CMTM4: variants seen among roughly 807,000 people sequenced by gnomAD.
CMTM4 encodes CKLF-like MARVEL transmembrane domain-containing protein 4.
In CMTM4, 8 loss-of-function variants were observed where a neutral mutation model predicts 19.0. The observed-to-expected ratio is 0.42, with a 90% CI of 0.25 to 0.76. CMTM4 has a LOEUF of 0.76. Ranked by LOEUF, CMTM4 falls within the 30% of genes least tolerant of loss-of-function variation. CMTM4 has a pLI of 0.27. For missense variants in CMTM4, 228 were observed against 290.2 expected (o/e 0.79, Z 1.56); for synonymous variants, 106 against 121.1 (o/e 0.88, Z 0.82).
chr16:66,621,900 G>A lies in CMTM4; in HGVS notation c.*158C>T, dbSNP rs974864487. The stretch of plus-strand genomic sequence containing the variant: ...GGCCTCCCAACTCCACCGCGGACCC[G>A]CCCACTGGGCCACTCGGGAAACCCT... On this transcript the variant is annotated 3_prime_UTR_variant, in exon 4 of 4. Transcript: ENST00000394106. 23 of 1,431,578 alleles carry A rather than the reference G, an allele frequency of 1.6e-5. No individual in the cohort carries two copies. Among genetic ancestry groups the A allele is most frequent in the Admixed American group, 8.3e-5 (3 of 36,296 alleles). 88.7% of individuals were successfully genotyped at this position (1,431,578 alleles called of 1,614,324 possible).
chr16:66,696,145 G>A lies in CMTM4; in HGVS notation c.186+195C>T, dbSNP rs2017229769. The stretch of plus-strand genomic sequence containing the variant: ...CACCTGAGGCTGCCGGCCTGGGAAG[G>A]GCAGGCTCTGGCCGAAGGCGGGGTC... On this transcript the variant is annotated intron_variant, in intron 1 of 3. Coordinates refer to ENST00000394106, the MANE Select transcript of CMTM4 (RefSeq NM_181521.3). This position sits in a 1 kb window ranked among gnomAD's most constrained non-coding sequence, Gnocchi z 4.3. Among the ~76,000 whole-genome samples the A allele has an allele frequency of 6.6e-6, 1 of 152,198 alleles. No individual in the cohort carries two copies. The highest frequency in any genetic ancestry group is 6.5e-5 in the Admixed American group (1 of 15,288).
intron 1 of CMTM4, among the ~76,000 whole-genome samples, chr16:66,692,906 CAAA>C (rs200187109): frequency 7.0e-5 from 8 of 114,114 alleles, no homozygotes; most frequent in Non-Finnish European, 9.3e-5. Flanking sequence ...GACTCCATCT[CAAA>C]AAAAAAAAAA....
chr16:66,599,300 A>G, the CMTM4 span, among the ~76,000 whole-genome samples: 1 of 152,266 alleles, frequency 6.6e-6, no homozygotes, highest in Non-Finnish European at 1.5e-5. Context: ...AAACAAAACA[A>G]AACAAAAAAC....
intron 1 of CMTM4, among the ~76,000 whole-genome samples, chr16:66,640,288 G>A (rs1200743926): frequency 6.6e-6 from 1 of 152,218 alleles, no homozygotes; most frequent in Non-Finnish European, 1.5e-5. Flanking sequence ...CTGGGTGATA[G>A]AGTGAGACTC....
intron 1 of CMTM4, among the ~76,000 whole-genome samples, chr16:66,642,216 G>C (rs1266768908): frequency 1.3e-5 from 2 of 152,168 alleles, no homozygotes; most frequent in African/African-American, 4.8e-5. Context: ...AACTTCAAGG[G>C]AACCAAAGAG....
chr16:66,683,194 C>CATATATATATATATATATATAT (rs71378405), intron 1 of CMTM4, among the ~76,000 whole-genome samples: 2 of 107,716 alleles, frequency 1.9e-5, no homozygotes, highest in Non-Finnish European at 3.5e-5. Flanking sequence ...TATATATATA[C>CATATATATATATATATATATAT]ATATATATAT....
chr16:66,600,136 G>GTGTGT, the CMTM4 span, among the ~76,000 whole-genome samples: 12 of 135,152 alleles, frequency 8.9e-5, no homozygotes, highest in Non-Finnish European at 1.2e-4. Context: ...GTGTGTGTGT[G>GTGTGT]TTTTTTTTTG....
chr16:66,656,910 C>T (rs950134193), intron 1 of CMTM4, among the ~76,000 whole-genome samples: 2 of 152,050 alleles, frequency 1.3e-5, no homozygotes, highest in Non-Finnish European at 2.9e-5. Flanking sequence ...CTGTCAATGA[C>T]ATGAAATGAA....
chr16:66,609,401 AG>A, the CMTM4 span: 1 of 1,585,826 alleles, frequency 6.3e-7, no homozygotes, highest in Non-Finnish European at 8.6e-7. This position sits in a 1 kb window ranked among gnomAD's most constrained non-coding sequence, Gnocchi z 4.4. Context: ...GCTCAGCTCC[AG>A]GGGCTCAGGG....
At chr16:66,612,136 C>T (rs1402709735), downstream of CMTM4, among the ~76,000 whole-genome samples, 1 of 152,138 alleles carries the variant, frequency 6.6e-6, no homozygotes. This position sits in a 1 kb window ranked among gnomAD's most constrained non-coding sequence, Gnocchi z 6.0. Context: ...CTTCTGCGGC[C>T]GGGCACGGTG....
intron 1 of CMTM4, among the ~76,000 whole-genome samples, chr16:66,646,103 C>G (rs945730227): frequency 2.3e-4 from 35 of 152,190 alleles, no homozygotes; most frequent in African/African-American, 7.9e-4. Flanking sequence ...GGAAAGGGTC[C>G]AAGGGATACT....
In CMTM4 at chr16:66,621,820, G is replaced by A; in HGVS notation, c.*238C>T. On this transcript the variant is annotated 3_prime_UTR_variant, in exon 4 of 4. Transcript: ENST00000394106. ...TGCTTCAGGGCAGGTAAGACCTCAAGTGGACCTGGGCAGTGACGCCGGCTG... is the reference window on the plus strand; with the variant it reads ...TGCTTCAGGGCAGGTAAGACCTCAAATGGACCTGGGCAGTGACGCCGGCTG... 3.7e-6 allele frequency: 5 copies of A among 1,357,406 alleles called. No individual in the cohort carries two copies. The highest frequency in any genetic ancestry group is 4.7e-6 in the Non-Finnish European group (5 of 1,052,682). 84.1% of individuals were successfully genotyped at this position (1,357,406 alleles called of 1,614,324 possible).
Position 66,618,156 on chromosome 16 carries a change from A to G in CMTM4, c.*3902T>C. The G allele has an allele frequency of 1.0e-6, 1 of 985,480 alleles. No homozygotes were observed. Among genetic ancestry groups the G allele is most frequent in the Non-Finnish European group, 1.2e-6 (1 of 829,940 alleles). The allele number at this position is 985,480 out of a possible 1,614,324, so 61.0% of individuals were successfully genotyped here. A position where few individuals can be genotyped will look rare whatever the true frequency, so the allele number is the denominator to read the frequency against. ...CACTAGGAAATAACAAGGCACCTAG[A>G]GACTTCACAAGCTAATGGCAGTCCC... On this transcript the variant is annotated 3_prime_UTR_variant, in exon 4 of 4. Transcript: ENST00000394106.
downstream of CMTM4, chr16:66,612,497 G>T: frequency 9.3e-7 from 1 of 1,076,632 alleles, no homozygotes; most frequent in Non-Finnish European, 1.4e-6. The surrounding 1 kb of genome is among the most constrained non-coding windows in gnomAD (Gnocchi z 6.0). Context: ...TCAGCTGCAG[G>T]AGGCCTGCAC....
chr16:66,626,974 G>A (rs1295364996), intron 2 of CMTM4, among the ~76,000 whole-genome samples: 1 of 151,712 alleles, frequency 6.6e-6, no homozygotes, highest in African/African-American at 2.4e-5. Flanking sequence ...ATGGTAGTGC[G>A]TTCCTGTAGT....
intron 1 of CMTM4, among the ~76,000 whole-genome samples, chr16:66,684,160 T>C (rs2016992260): frequency 6.6e-6 from 1 of 152,074 alleles, no homozygotes; most frequent in Non-Finnish European, 1.5e-5. Context: ...TGAAATATAA[T>C]TAGTACCCAG....
chr16:66,631,968 G>A (rs1567407863), intron 2 of CMTM4, among the ~76,000 whole-genome samples: 1 of 152,078 alleles, frequency 6.6e-6, no homozygotes, highest in Non-Finnish European at 1.5e-5. Flanking sequence ...AAAAACACAA[G>A]ACGAGTCACG....
chr16:66,601,872 C>A, the CMTM4 span, among the ~76,000 whole-genome samples: 2 of 152,160 alleles, frequency 1.3e-5, no homozygotes, highest in Non-Finnish European at 2.9e-5. Flanking sequence ...GAAAGGGGGT[C>A]CCAGGGCTCC....
At chr16:66,627,031 A>G (rs2015754639) in intron 2 of CMTM4, among the ~76,000 whole-genome samples, 1 of 152,166 alleles carries the variant, frequency 6.6e-6, no homozygotes. Context: ...TGAGCCCAGG[A>G]GGTCGAGGCT....
Sources: gnomAD v4.1 joint callset for allele counts (sites outside exome capture counted in the v4.1 genomes callset) on GRCh38, gnomAD v4.1.1 for gene constraint, Gnocchi (gnomAD v3.1) non-coding constraint, MANE v1.5 for transcripts, NCBI Gene and HGNC (gene_info 2026-07-23, HGNC 2026-07-21) for gene names.